MSANTD4: variants seen among roughly 807,000 people sequenced by gnomAD.
MSANTD4 encodes Myb/SANT DNA binding domain containing 4 with coiled-coils.
A neutral mutation model predicts 34.3 loss-of-function variants in MSANTD4; 13 were observed. That is an observed-to-expected ratio of 0.38 (90% CI 0.25 to 0.60). The LOEUF (loss-of-function observed/expected upper bound fraction) is 0.60. Among genes scored for constraint, MSANTD4 ranks in the 20% least tolerant of loss-of-function variants. The probability of loss-of-function intolerance (pLI) is 0.63; values close to 1 mark genes in which losing one functional copy is unlikely to be tolerated. For missense variants in MSANTD4, 358 were observed against 401.8 expected (o/e 0.89, Z 0.93); for synonymous variants, 137 against 145.2 (o/e 0.94, Z 0.41).
In MSANTD4 at chr11:106,009,957, T is replaced by G. The variant is rs201291242; in HGVS notation, c.616A>C (p.Asn206His). Residue 206 changes from asparagine to histidine, a missense_variant, in exon 3 of 3, where the codon AAT becomes CAT. Physicochemically the swap from Asn to His is moderately conservative, Grantham distance 68. Transcript: ENST00000301919. ...SAYDEPHLLV[N>H]IEKQKLELEK... ...AACTCTAGTTTCTGTTTCTCAATAT[T>G]TACGAGCAAATGAGGCTCATCATAT... The G allele has an allele frequency of 6.2e-7, 1 of 1,613,090 alleles. No individual in the cohort carries two copies. Among genetic ancestry groups the G allele is most frequent in the Non-Finnish European group, 8.5e-7 (1 of 1,180,026 alleles).
At chr11:106,013,271 G>A (rs1859751123) in intron 1 of MSANTD4, among the ~76,000 whole-genome samples, 1 of 152,222 alleles carries the variant, frequency 6.6e-6, no homozygotes, top group East Asian at 1.9e-4. Context: ...CCTACAAAAT[G>A]TGAAATGGGA....
intron 1 of MSANTD4, among the ~76,000 whole-genome samples, chr11:106,019,553 CT>C (rs1859967165): frequency 6.6e-6 from 1 of 152,150 alleles, no homozygotes; most frequent in Non-Finnish European, 1.5e-5. Context: ...TGGTGTCTGC[CT>C]TTTCGTCAGG....
intron 1 of MSANTD4, among the ~76,000 whole-genome samples, chr11:106,018,822 A>C (rs2134960179): frequency 6.6e-6 from 1 of 152,350 alleles, no homozygotes; most frequent in South Asian, 2.1e-4. Flanking sequence ...TTTAGATATA[A>C]GAAGAAAAGG....
At chr11:106,011,902 T>C (rs1859705871) in intron 1 of MSANTD4, among the ~76,000 whole-genome samples, 1 of 152,146 alleles carries the variant, frequency 6.6e-6, no homozygotes, top group Non-Finnish European at 1.5e-5. Context: ...TGTAATCTGA[T>C]CAAATAAATG....
intron 2 of MSANTD4, 21 bp from the exon 3 acceptor site, chr11:106,010,131 A>G (rs1326939270): frequency 1.3e-6 from 2 of 1,526,528 alleles, no homozygotes; most frequent in South Asian, 1.3e-5. Context: ...AGAGAAAAGC[A>G]ATTTTCAGTA....
rs1343368633 is a variant in MSANTD4 at position 106,010,516 on chromosome 11, T to G, written c.402A>C (p.Ala134=). ...DWQNVADFRD[A]GGSLTEVKVE... ...CCTTGACCTCAGTTAAGGATCCACC[T>G]GCATCCCTGAAATCTGCCACATTTT... is the stretch of plus-strand genomic sequence containing the variant. Residue 134 remains alanine (A), a synonymous_variant, in exon 2 of 3, where the codon GCA becomes GCC. Transcript: ENST00000301919. The G allele has an allele frequency of 1.2e-6, 2 of 1,614,078 alleles. No individual in the cohort carries two copies. Among genetic ancestry groups the G allele is most frequent in the East Asian group, 2.2e-5 (1 of 44,892 alleles).
At chr11:106,017,007 T>C (rs1859870271) in intron 1 of MSANTD4, among the ~76,000 whole-genome samples, 1 of 152,226 alleles carries the variant, frequency 6.6e-6, no homozygotes, top group African/African-American at 2.4e-5. Context: ...TTTCAGAGCA[T>C]TTACATAGCC....
At chr11:106,012,880 C>T (rs889591125) in intron 1 of MSANTD4, among the ~76,000 whole-genome samples, 1 of 152,138 alleles carries the variant, frequency 6.6e-6, no homozygotes, top group Non-Finnish European at 1.5e-5. Context: ...ATCCTCACTG[C>T]AATGGATTGG....
chr11:106,015,890 G>A (rs1474663037), intron 1 of MSANTD4, among the ~76,000 whole-genome samples: 3 of 152,050 alleles, frequency 2.0e-5, no homozygotes, highest in Non-Finnish European at 2.9e-5. Context: ...TAGAGACAGG[G>A]TCTCACTCTG....
In MSANTD4 at chr11:106,011,039, A is replaced by G; in HGVS notation, c.-122T>C. The G allele has an allele frequency of 7.0e-7, 1 of 1,422,524 alleles. No homozygotes were observed. The highest frequency in any genetic ancestry group is 9.2e-7 in the Non-Finnish European group (1 of 1,091,764). 88.1% of individuals were successfully genotyped at this position (1,422,524 alleles called of 1,614,324 possible). On this transcript the variant is annotated 5_prime_UTR_variant, in exon 2 of 3. It removes an upstream start codon present in the reference 5' UTR. Coordinates refer to ENST00000301919, the MANE Select transcript of MSANTD4 (RefSeq NM_032424.3). ...TAGTTCAAATCATTGTCTTCCATTC[A>G]TCTAGTGGCAAGGCAGTCTGGATAA...
chr11:106,012,681 T>A (rs1278634334), intron 1 of MSANTD4, among the ~76,000 whole-genome samples: 2 of 152,204 alleles, frequency 1.3e-5, no homozygotes, highest in Non-Finnish European at 2.9e-5. Flanking sequence ...CTCTCCAGAC[T>A]GGGAACTCTC....
intron 1 of MSANTD4, among the ~76,000 whole-genome samples, chr11:106,012,508 T>C (rs1430259000): frequency 3.3e-5 from 5 of 152,196 alleles, no homozygotes; most frequent in East Asian, 1.9e-4. Context: ...AAAATATCCA[T>C]GTGGCAATAT....
intron 1 of MSANTD4, among the ~76,000 whole-genome samples, chr11:106,017,154 A>T (rs1031007077): frequency 1.3e-5 from 2 of 152,222 alleles, no homozygotes; most frequent in African/African-American, 2.4e-5. Context: ...GTCATGTTAG[A>T]GTATGGATGT....
Position 106,010,984 on chromosome 11 carries a change from A to T in MSANTD4, c.-67T>A, listed in dbSNP as rs1269784988. The T allele has an allele frequency of 2.7e-6, 4 of 1,483,014 alleles. No homozygotes were observed. The highest frequency in any genetic ancestry group is 3.6e-6 in the Non-Finnish European group (4 of 1,121,084). 91.9% of individuals were successfully genotyped at this position (1,483,014 alleles called of 1,614,324 possible). On this transcript the variant is annotated 5_prime_UTR_variant, in exon 2 of 3. Transcript: ENST00000301919. ...CAATTTGAGGAATGCTGCAAAGCAC[A>T]AAAACCAGGGATAATTCTTTGCTGG... is the stretch of plus-strand genomic sequence containing the variant.
chr11:106,010,607 T>A lies in MSANTD4; in HGVS notation c.311A>T (p.Asp104Val). The change falls in exon 2 of 3, where the codon GAT becomes GTT. Residue 104 changes from aspartate to valine, a missense_variant. Physicochemically the swap from Asp to Val is radical, Grantham distance 152. This residue lies in a region of MSANTD4 where 312 missense variants were observed against 317.6 expected (regional missense o/e 0.98). Transcript: ENST00000301919. ...SGFPLPSSDLDDSLTEEIDEK... is the reference protein window; with the variant it reads ...SGFPLPSSDLVDSLTEEIDEK... ...ATCTATCTCTTCAGTGAGAGAGTCA[T>A]CCAAATCAGAGGAGGGAAGGGGAAA... is the stretch of plus-strand genomic sequence containing the variant. The A allele has an allele frequency of 6.2e-7, 1 of 1,614,178 alleles. No individual in the cohort carries two copies.
rs1860019699 is a variant in MSANTD4 at position 106,021,119 on chromosome 11, T to A, written c.-308A>T. On this transcript the variant is annotated 5_prime_UTR_variant, in exon 1 of 3. Coordinates refer to ENST00000301919, the MANE Select transcript of MSANTD4 (RefSeq NM_032424.3). ...AGCTCCTACTGTGTGAAAGGCACTA[T>A]TTTTGGTGCTGGGGATATAACACCT... The A allele has an allele frequency of 6.6e-6, 1 of 152,208 alleles. No homozygotes were observed. 9.4% of individuals were successfully genotyped at this position (152,208 alleles called of 1,614,324 possible).
At chr11:106,012,828 C>A (rs12276384) in intron 1 of MSANTD4, among the ~76,000 whole-genome samples, 1 of 152,258 alleles carries the variant, frequency 6.6e-6, no homozygotes, top group East Asian at 1.9e-4. Flanking sequence ...TGAATTCAAG[C>A]CTTACATAAG....
rs548541934 is a variant in MSANTD4, at chr11:106,021,140, C to T, written c.-329G>A. On this transcript the variant is annotated 5_prime_UTR_variant, in exon 1 of 3. Transcript: ENST00000301919. ...ACTATTTTTGGTGCTGGGGATATAA[C>T]ACCTCATAAAATGTGAAAATATGTC... 2.0e-5 allele frequency: 3 copies of T among 152,318 alleles called. No homozygotes were observed. The South Asian group carries it at 6.2e-4, about 32-fold the overall frequency. 9.4% of individuals were successfully genotyped at this position (152,318 alleles called of 1,614,324 possible).
rs377759559 is a variant in MSANTD4, at chr11:106,009,759, C to G, written c.814G>C (p.Glu272Gln). 6.8e-6 allele frequency: 11 copies of G among 1,614,112 alleles called. No individual in the cohort carries two copies. The highest frequency in any genetic ancestry group is 9.3e-6 in the Non-Finnish European group (11 of 1,180,048). Residue 272 changes from glutamate to glutamine, a missense_variant, in exon 3 of 3, where the codon GAG becomes CAG. By Grantham distance (29) the Glu-to-Gln change is conservative. This residue lies in a region of MSANTD4 where 312 missense variants were observed against 317.6 expected (regional missense o/e 0.98). Coordinates refer to ENST00000301919, the MANE Select transcript of MSANTD4 (RefSeq NM_032424.3). ...EKLRLQIVNS[E>Q]KPSLENELGQ... ...AGTTCATTTTCCAAGGACGGTTTCT[C>G]TGAATTGACTATCTGTAACCTCAAC...
Sources: allele counts gnomAD v4.1 joint callset (sites outside exome capture counted in the v4.1 genomes callset), GRCh38; gene constraint gnomAD v4.1.1; regional missense constraint gnomAD v4.1.1; transcripts MANE v1.5; gene names NCBI Gene and HGNC (gene_info 2026-07-23, HGNC 2026-07-21).